NAALADL2: variants seen among roughly 807,000 people sequenced by gnomAD.
NAALADL2 encodes the protein inactive N-acetylated-alpha-linked acidic dipeptidase-like protein 2.
A neutral mutation model predicts 87.2 loss-of-function variants in NAALADL2; 76 were observed. That is an observed-to-expected ratio of 0.87 (90% CI 0.72 to 1.05). NAALADL2 has a LOEUF of 1.05. Ranked by LOEUF, NAALADL2 falls within the 50% of genes least tolerant of loss-of-function variation. NAALADL2 has a pLI of 0.00. For missense variants in NAALADL2, 1,089 were observed against 945.8 expected (o/e 1.15, Z -1.99); for synonymous variants, 354 against 331.0 (o/e 1.07, Z -0.75).
chr3:175,381,827 G>A (rs1439544935), intron 5 of NAALADL2, among the ~76,000 whole-genome samples: 12 of 152,128 alleles, frequency 7.9e-5, no homozygotes, highest in East Asian at 1.9e-4. Context: ...AGTGACTGGC[G>A]GGTTTGGGAC....
At chr3:174,964,620 A>G (rs1742603840) in intron 1 of NAALADL2, among the ~76,000 whole-genome samples, 1 of 152,084 alleles carries the variant, frequency 6.6e-6, no homozygotes, top group Non-Finnish European at 1.5e-5. Flanking sequence ...ATGTCTTTCA[A>G]TAAGAAGGGA....
At chr3:175,629,814 C>A (rs1727510435) in intron 11 of NAALADL2, among the ~76,000 whole-genome samples, 1 of 151,608 alleles carries the variant, frequency 6.6e-6, no homozygotes, top group Admixed American at 6.6e-5. Context: ...TGCAATTGTT[C>A]TTTTTTAATT....
intron 1 of NAALADL2, among the ~76,000 whole-genome samples, chr3:174,893,270 C>T (rs988449216): frequency 2.0e-5 from 3 of 152,004 alleles, no homozygotes; most frequent in Admixed American, 6.6e-5. Flanking sequence ...TTCATCAATA[C>T]CAGACCCATC....
intron 1 of NAALADL2, among the ~76,000 whole-genome samples, chr3:175,056,652 T>G (rs1712253294): frequency 6.6e-6 from 1 of 152,240 alleles, no homozygotes; most frequent in African/African-American, 2.4e-5. Context: ...GAGATTTACC[T>G]ATGTATTTAT....
intron 1 of NAALADL2, among the ~76,000 whole-genome samples, chr3:174,888,792 G>T (rs1351733866): frequency 6.6e-6 from 1 of 152,134 alleles, no homozygotes; most frequent in Non-Finnish European, 1.5e-5. Context: ...TTATTATGGT[G>T]CTGTTTGAAT....
chr3:175,096,771 A>AT lies in NAALADL2; in HGVS notation c.44-14dup. Reference sequence around the variant, plus strand: ...TTGTGTGTTTATTTTATTAAAATATATTTTTCTTATTTTCACAGGTAAAAA... The same window carrying AT: ...TTGTGTGTTTATTTTATTAAAATATATTTTTTCTTATTTTCACAGGTAAAAA... On this transcript the variant is annotated intron_variant, in intron 1 of 13. Transcript: ENST00000454872. 7.1e-7 allele frequency: 1 copy of AT among 1,408,138 alleles called. No homozygotes were observed. The highest frequency in any genetic ancestry group is 9.4e-7 in the Non-Finnish European group (1 of 1,067,264). The allele number at this position is 1,408,138 out of a possible 1,614,324, so 87.2% of individuals were successfully genotyped here.
chr3:175,546,353 T>C (rs1713320889), intron 9 of NAALADL2, among the ~76,000 whole-genome samples: 1 of 152,134 alleles, frequency 6.6e-6, no homozygotes, highest in Non-Finnish European at 1.5e-5. Context: ...AGCATGCCAC[T>C]CTGTGTCTTT....
chr3:174,475,071 G>A (rs1717135786), intron 1 of NAALADL2, among the ~76,000 whole-genome samples: 1 of 151,564 alleles, frequency 6.6e-6, no homozygotes, highest in Non-Finnish European at 1.5e-5. Flanking sequence ...TTCTTAGGCA[G>A]AAGAAAATCA....
intron 2 of NAALADL2, among the ~76,000 whole-genome samples, chr3:174,661,051 G>A (rs1172918811): frequency 6.6e-6 from 1 of 152,080 alleles, no homozygotes; most frequent in Non-Finnish European, 1.5e-5. Flanking sequence ...GTATGTAGAG[G>A]CCTTACTCTT....
rs558251723 is a variant in NAALADL2, at chr3:175,616,319, C to A, written c.1801-10972C>A. Among the ~76,000 whole-genome samples the A allele has an allele frequency of 7.4e-5, 11 of 148,314 alleles. No individual in the cohort carries two copies. The South Asian group carries it at 8.5e-4, about 11-fold the overall frequency. On this transcript the variant is annotated intron_variant, in intron 10 of 13. Coordinates refer to ENST00000454872, the MANE Select transcript of NAALADL2 (RefSeq NM_207015.3). ...AATATAAATAAATGTTTAAATAAAT[C>A]TAAATAAATATAATAAATAACATTA...
At chr3:175,551,387 A>G (rs1321582878) in intron 9 of NAALADL2, among the ~76,000 whole-genome samples, 1 of 152,170 alleles carries the variant, frequency 6.6e-6, no homozygotes, top group East Asian at 1.9e-4. Flanking sequence ...ATCATCTGTC[A>G]TCTCTTGGTC....
At chr3:174,803,002 T>C (rs1003782088) in intron 3 of NAALADL2, among the ~76,000 whole-genome samples, 1 of 152,162 alleles carries the variant, frequency 6.6e-6, no homozygotes, top group Non-Finnish European at 1.5e-5. Flanking sequence ...TACCTAGTAA[T>C]GGGATTGCTG....
intron 1 of NAALADL2, among the ~76,000 whole-genome samples, chr3:175,065,997 A>G (rs1048590688): frequency 1.3e-5 from 2 of 152,156 alleles, no homozygotes; most frequent in Non-Finnish European, 2.9e-5. Flanking sequence ...AAGGATGTAT[A>G]ACGGGAACAG....
At chr3:174,667,317 A>T (rs1726049193) in intron 2 of NAALADL2, among the ~76,000 whole-genome samples, 1 of 152,096 alleles carries the variant, frequency 6.6e-6, no homozygotes, top group Non-Finnish European at 1.5e-5. Flanking sequence ...TTCCAAAGCT[A>T]GCTGAGGGAA....
intron 2 of NAALADL2, among the ~76,000 whole-genome samples, chr3:174,575,438 C>T (rs1190277525): frequency 6.6e-6 from 1 of 152,152 alleles, no homozygotes; most frequent in Non-Finnish European, 1.5e-5. Context: ...AAAGCCCAAA[C>T]ATTTCCTAGT....
At chr3:175,248,331 C>T (rs1464618022) in intron 3 of NAALADL2, among the ~76,000 whole-genome samples, 1 of 152,172 alleles carries the variant, frequency 6.6e-6, no homozygotes, top group African/African-American at 2.4e-5. Context: ...ATAATGAATA[C>T]ATAATACTTG....
At chr3:175,080,621 A>C (rs1717620421) in intron 1 of NAALADL2, among the ~76,000 whole-genome samples, 2 of 152,176 alleles carry the variant, frequency 1.3e-5, no homozygotes, top group African/African-American at 4.8e-5. Context: ...GGCTATAGGA[A>C]ATGAGAATAT....
chr3:175,043,100 A>C (rs529966731), intron 1 of NAALADL2, among the ~76,000 whole-genome samples: 1 of 152,282 alleles, frequency 6.6e-6, no homozygotes, highest in Non-Finnish European at 1.5e-5. Context: ...CAGAATCAGA[A>C]GGCCAATAAA....
At chr3:175,304,322 C>T (rs1342219838) in intron 4 of NAALADL2, among the ~76,000 whole-genome samples, 1 of 152,116 alleles carries the variant, frequency 6.6e-6, no homozygotes, top group East Asian at 1.9e-4. Flanking sequence ...ATGGAACATA[C>T]TGACCCTTCT....
Sources: gnomAD v4.1 joint callset for allele counts (sites outside exome capture counted in the v4.1 genomes callset) on GRCh38, gnomAD v4.1.1 for gene constraint, MANE v1.5 for transcripts, NCBI Gene and HGNC (gene_info 2026-07-23, HGNC 2026-07-21) for gene names.